The following KLF8 variants were observed in gnomAD, a reference collection of about 807,000 sequenced individuals.
KLF8 encodes the protein KLF transcription factor 8.
Under a neutral mutation model 18.2 loss-of-function variants are expected in KLF8, and 10 were observed. The ratio of observed to expected loss-of-function variants is 0.55; its 90% CI spans 0.34 to 0.93. The LOEUF is 0.93. Among genes scored for constraint, KLF8 ranks in the 40% least tolerant of loss-of-function variants. The pLI, the probability that KLF8 is intolerant of heterozygous loss-of-function variation, is 0.02. For missense variants in KLF8, 264 were observed against 277.9 expected (o/e 0.95, Z 0.36); for synonymous variants, 109 against 97.3 (o/e 1.12, Z -0.71).
At chrX:56,107,615 G>T in the KLF8 span, among the ~76,000 whole-genome samples, 2 of 111,457 alleles carry the variant, frequency 1.8e-5, no homozygotes, top group Non-Finnish European at 3.8e-5. Flanking sequence ...TTTTTTCCAG[G>T]TAAAGTCTGT....
chrX:56,189,623 A>T, the KLF8 span, among the ~76,000 whole-genome samples: 1 of 111,075 alleles, frequency 9.0e-6, no homozygotes, highest in Non-Finnish European at 1.9e-5. Context: ...ACCAAGCCAA[A>T]TGTCCAACAA....
At chrX:56,281,306 A>C (rs2067197899) in intron 5 of KLF8, among the ~76,000 whole-genome samples, 1 of 111,984 alleles carries the variant, frequency 8.9e-6, no homozygotes, top group Non-Finnish European at 1.9e-5. Context: ...AGACCTTGCC[A>C]CCAGCTGCCT....
chrX:56,220,859 G>C, the KLF8 span, among the ~76,000 whole-genome samples: 59 of 112,688 alleles, frequency 5.2e-4, no homozygotes, highest in African/African-American at 1.9e-3. Context: ...CACAAAAAAA[G>C]TGCTATTATT....
At chrX:55,965,914 A>G in the KLF8 span, among the ~76,000 whole-genome samples, 1 of 111,790 alleles carries the variant, frequency 8.9e-6, no homozygotes, top group Non-Finnish European at 1.9e-5. Context: ...ACTGATATGA[A>G]GTTTGTGTCT....
chrX:56,158,899 C>T, the KLF8 span, among the ~76,000 whole-genome samples: 1 of 111,161 alleles, frequency 9.0e-6, no homozygotes, highest in East Asian at 2.8e-4. Context: ...GCCTGATTGC[C>T]CTGGCCAGAA....
the KLF8 span, among the ~76,000 whole-genome samples, chrX:56,102,414 G>C: frequency 9.0e-6 from 1 of 111,376 alleles, no homozygotes; most frequent in East Asian, 2.8e-4. Flanking sequence ...TTTTTCCTTA[G>C]GATTGCTTTG....
chrX:55,932,053 G>A, the KLF8 span, among the ~76,000 whole-genome samples: 1 of 110,963 alleles, frequency 9.0e-6, no homozygotes, highest in African/African-American at 3.3e-5. Context: ...GGGCACTCCT[G>A]TATTGGGTGT....
chrX:55,964,574 C>T, the KLF8 span, among the ~76,000 whole-genome samples: 5 of 111,312 alleles, frequency 4.5e-5, no homozygotes, highest in African/African-American at 1.6e-4. Flanking sequence ...GAGACCCTAT[C>T]TCACACACAC....
the KLF8 span, among the ~76,000 whole-genome samples, chrX:55,942,672 A>T: frequency 9.0e-6 from 1 of 111,637 alleles, no homozygotes; most frequent in Admixed American, 9.5e-5. Context: ...ATTGGGTTGC[A>T]TAGGGAAGTT....
At chrX:56,119,613 G>C in the KLF8 span, among the ~76,000 whole-genome samples, 1 of 109,883 alleles carries the variant, frequency 9.1e-6, no homozygotes, top group Admixed American at 9.8e-5. Context: ...TATTGGCCAG[G>C]CTGGTCTCGA....
chrX:56,002,417 ATGTGTGTGTGTGTGTGTG>A, the KLF8 span, among the ~76,000 whole-genome samples: 1 of 92,657 alleles, frequency 1.1e-5, no homozygotes, highest in South Asian at 5.1e-4. Flanking sequence ...ATTTGTGTGT[ATGTGTGTGTGTGTGTGTG>A]TGTGTGTGTG....
At chrX:56,243,165 G>T in intron 1 of KLF8, 4 of 514,582 alleles carry the variant, frequency 7.8e-6, no homozygotes, top group Non-Finnish European at 1.4e-5. Context: ...ACAGTGGTCA[G>T]CGGAAACTTG....
chrX:56,038,316 C>T, the KLF8 span, among the ~76,000 whole-genome samples: 1 of 111,561 alleles, frequency 9.0e-6, no homozygotes, highest in African/African-American at 3.3e-5. Flanking sequence ...CAGATTATGC[C>T]ATCACCTAGA....
At chrX:56,091,686 G>T in the KLF8 span, among the ~76,000 whole-genome samples, 1 of 110,791 alleles carries the variant, frequency 9.0e-6, no homozygotes, top group Non-Finnish European at 1.9e-5. Context: ...GTAGAGAAAG[G>T]GTTTCACCAT....
the KLF8 span, among the ~76,000 whole-genome samples, chrX:56,045,123 A>G: frequency 8.9e-6 from 1 of 111,860 alleles, no homozygotes; most frequent in African/African-American, 3.2e-5. Flanking sequence ...ATGGCTTGCT[A>G]GTTATTCCAG....
At chrX:56,030,422 A>G in the KLF8 span, among the ~76,000 whole-genome samples, 1 of 111,809 alleles carries the variant, frequency 8.9e-6, no homozygotes, top group African/African-American at 3.3e-5. Context: ...AATCAGCCCA[A>G]GTAGTATTAT....
the KLF8 span, among the ~76,000 whole-genome samples, chrX:56,186,358 G>C: frequency 1.8e-5 from 2 of 111,743 alleles, no homozygotes; most frequent in African/African-American, 6.5e-5. Flanking sequence ...CAATACAGGA[G>C]GACCTAGATT....
the KLF8 span, among the ~76,000 whole-genome samples, chrX:56,139,375 G>A: frequency 4.5e-5 from 5 of 111,680 alleles, no homozygotes; most frequent in Admixed American, 3.8e-4. Flanking sequence ...CACAGCTAGA[G>A]GCATCACAAT....
At chrX:56,283,701 A>C (rs2067232685) in intron 5 of KLF8, among the ~76,000 whole-genome samples, 1 of 112,239 alleles carries the variant, frequency 8.9e-6, no homozygotes, top group South Asian at 3.7e-4. Context: ...GTTTGGTAGG[A>C]GATATTAGAG....
Sources: allele counts gnomAD v4.1 joint callset (sites outside exome capture counted in the v4.1 genomes callset), GRCh38; gene constraint gnomAD v4.1.1; transcripts MANE v1.5; gene names NCBI Gene and HGNC (gene_info 2026-07-23, HGNC 2026-07-21).